SPATA6: variants seen among roughly 807,000 people sequenced by gnomAD.
SPATA6 encodes spermatogenesis-associated protein 6.
Under a neutral mutation model 65.3 loss-of-function variants are expected in SPATA6, and 56 were observed. The ratio of observed to expected loss-of-function variants is 0.86; its 90% CI spans 0.69 to 1.07. The LOEUF is 1.07. Ranked by LOEUF, SPATA6 falls within the 50% of genes least tolerant of loss-of-function variation. The probability of loss-of-function intolerance (pLI) is 0.00; values close to 1 mark genes in which losing one functional copy is unlikely to be tolerated. For synonymous variants in SPATA6, 199 were observed against 213.2 expected (o/e 0.93, Z 0.58); for missense variants, 590 against 594.8 (o/e 0.99, Z 0.08).
intron 3 of SPATA6, among the ~76,000 whole-genome samples, chr1:48,448,717 A>C (rs754689581): frequency 2.4e-4 from 37 of 152,342 alleles, no homozygotes; most frequent in Non-Finnish European, 4.0e-4. Context: ...AAAAGGAATG[A>C]ACTACTTAGA....
intron 11 of SPATA6, among the ~76,000 whole-genome samples, chr1:48,343,779 G>T (rs1279992890): frequency 6.6e-6 from 1 of 151,960 alleles, no homozygotes. Context: ...CAAAAGCAGG[G>T]GTTGGCAAAC....
At chr1:48,384,955 C>G (rs1418456591) in intron 9 of SPATA6, among the ~76,000 whole-genome samples, 2 of 152,040 alleles carry the variant, frequency 1.3e-5, no homozygotes, top group Non-Finnish European at 2.9e-5. Flanking sequence ...ATACATATGC[C>G]TGCAAAAATT....
chr1:48,278,382 C>T, the SPATA6 span, among the ~76,000 whole-genome samples: 8 of 152,250 alleles, frequency 5.3e-5, no homozygotes, highest in South Asian at 1.7e-3. Flanking sequence ...TCAAACTACT[C>T]CGAGCTACAG....
intron 3 of SPATA6, among the ~76,000 whole-genome samples, chr1:48,423,789 C>T (rs895253381): frequency 4.0e-5 from 6 of 151,886 alleles, no homozygotes; most frequent in African/African-American, 1.2e-4. Context: ...TCAGGTGATC[C>T]GCCTGCCTCA....
At chr1:48,426,199 G>GT (rs1653820795) in intron 3 of SPATA6, among the ~76,000 whole-genome samples, 1 of 152,122 alleles carries the variant, frequency 6.6e-6, no homozygotes, top group Admixed American at 6.5e-5. Context: ...AAGGAAGAGT[G>GT]TATCTAAAGG....
At chr1:48,363,768 A>C (rs879794242) in intron 9 of SPATA6, among the ~76,000 whole-genome samples, 8 of 151,346 alleles carry the variant, frequency 5.3e-5, no homozygotes, top group Non-Finnish European at 1.0e-4. Flanking sequence ...CTTTTTTTTC[A>C]TGTTGCCTTT....
chr1:48,450,825 G>A lies in SPATA6; in HGVS notation c.238+727C>T, dbSNP rs555332292. Among the ~76,000 whole-genome samples the A allele has an allele frequency of 1.1e-3, 166 of 152,230 alleles. 1 individual carries two copies. The highest frequency in any genetic ancestry group is 3.6e-3 in the African/African-American group (150 of 41,540). ...AGTCGCAATGGGGCCAGCAGGGGAG[G>A]CCAAATGGAAAGGAAAGTTAATAAT... On this transcript the variant is annotated intron_variant, in intron 3 of 12. Coordinates refer to ENST00000371847, the MANE Select transcript of SPATA6 (RefSeq NM_019073.4).
intron 9 of SPATA6, among the ~76,000 whole-genome samples, chr1:48,379,089 G>C (rs926151209): frequency 6.6e-6 from 1 of 152,140 alleles, no homozygotes; most frequent in African/African-American, 2.4e-5. Context: ...AATTTTTAAA[G>C]AAAAGAGGTT....
intron 3 of SPATA6, among the ~76,000 whole-genome samples, chr1:48,437,896 A>AG (rs941573474): frequency 4.7e-5 from 5 of 107,006 alleles, no homozygotes; most frequent in African/African-American, 1.0e-4. Flanking sequence ...TACTGAATTG[A>AG]GAAAAAAAAA....
At chr1:48,313,882 G>A (rs1005073959) in intron 11 of SPATA6, among the ~76,000 whole-genome samples, 1 of 152,190 alleles carries the variant, frequency 6.6e-6, no homozygotes, top group African/African-American at 2.4e-5. Context: ...AAAGGCAGGG[G>A]TTGCAATCCC....
At chr1:48,444,430 GC>G (rs1315971249) in intron 3 of SPATA6, among the ~76,000 whole-genome samples, 1 of 151,722 alleles carries the variant, frequency 6.6e-6, no homozygotes, top group Non-Finnish European at 1.5e-5. Flanking sequence ...GCACCAATCA[GC>G]ACTGAGTCTA....
At chr1:48,436,185 T>C (rs1553170861) in intron 3 of SPATA6, 2 of 1,611,680 alleles carry the variant, frequency 1.2e-6, no homozygotes, top group South Asian at 2.2e-5. Context: ...ACTTGACTTC[T>C]GTCCATCTTG....
At chr1:48,264,767 T>C in the SPATA6 span, among the ~76,000 whole-genome samples, 2 of 152,232 alleles carry the variant, frequency 1.3e-5, no homozygotes, top group Non-Finnish European at 2.9e-5. Flanking sequence ...CAGTCTATCG[T>C]TGATGGGCAT....
At chr1:48,377,490 C>T (rs1334128503) in intron 9 of SPATA6, among the ~76,000 whole-genome samples, 1 of 152,100 alleles carries the variant, frequency 6.6e-6, no homozygotes, top group Non-Finnish European at 1.5e-5. Flanking sequence ...CTTCAAAGCT[C>T]AACATCCTCA....
chr1:48,456,502 A>G (rs181282411), intron 1 of SPATA6, among the ~76,000 whole-genome samples: 3 of 150,912 alleles, frequency 2.0e-5, no homozygotes, highest in South Asian at 2.1e-4. Context: ...ACATGGGGGA[A>G]AAAAAAAAGA....
chr1:48,381,050 A>G (rs1220642886), intron 9 of SPATA6, among the ~76,000 whole-genome samples: 1 of 152,146 alleles, frequency 6.6e-6, no homozygotes, highest in East Asian at 1.9e-4. Context: ...GATCCCTCAT[A>G]TGCACAGCAC....
chr1:48,410,684 A>G (rs1357995929), intron 5 of SPATA6, among the ~76,000 whole-genome samples: 1 of 152,216 alleles, frequency 6.6e-6, no homozygotes, highest in African/African-American at 2.4e-5. Flanking sequence ...ATCATCTTAC[A>G]TGGCAGCAGG....
At chr1:48,312,337 T>A (rs1018553465) in intron 11 of SPATA6, among the ~76,000 whole-genome samples, 3 of 152,172 alleles carry the variant, frequency 2.0e-5, no homozygotes, top group Admixed American at 6.5e-5. Context: ...GACTGACTAC[T>A]CTGAGACAAA....
intron 3 of SPATA6, chr1:48,448,066 C>T (rs943045596): frequency 6.6e-6 from 1 of 151,860 alleles, no homozygotes. Flanking sequence ...AAGCTGCCAG[C>T]CTGGGCAAAA....
Sources: allele counts gnomAD v4.1 joint callset (sites outside exome capture counted in the v4.1 genomes callset), GRCh38; gene constraint gnomAD v4.1.1; transcripts MANE v1.5; gene names NCBI Gene and HGNC (gene_info 2026-07-23, HGNC 2026-07-21).